Variants in AACS observed in about 807,000 individuals in gnomAD.
AACS encodes acetoacetyl-CoA synthetase.
A neutral mutation model predicts 83.1 loss-of-function variants in AACS; 69 were observed. The observed-to-expected ratio is 0.83, with a 90% CI of 0.68 to 1.01. The LOEUF is 1.01. Ranked by LOEUF, AACS falls within the 50% of genes least tolerant of loss-of-function variation. The probability of loss-of-function intolerance (pLI) is 0.00; values close to 1 mark genes in which losing one functional copy is unlikely to be tolerated. For synonymous variants in AACS, 333 were observed against 343.4 expected (o/e 0.97, Z 0.33); for missense variants, 866 against 882.2 (o/e 0.98, Z 0.23).
At chr12:125,078,095 G>A (rs372395548) in intron 3 of AACS, 17 of 455,692 alleles carry the variant, frequency 3.7e-5, no homozygotes, top group Middle Eastern at 3.2e-4. Flanking sequence ...TCACTCCCTA[G>A]ATCAGCACAA....
At chr12:125,077,338 G>A (rs189932841) in intron 3 of AACS, among the ~76,000 whole-genome samples, 38 of 151,928 alleles carry the variant, frequency 2.5e-4, no homozygotes, top group Admixed American at 2.2e-3. Context: ...GTGAAACCCC[G>A]TCTCTACTGA....
chr12:125,133,143 C>T (rs920902277), intron 14 of AACS, among the ~76,000 whole-genome samples: 1 of 152,210 alleles, frequency 6.6e-6, no homozygotes, highest in East Asian at 1.9e-4. Context: ...GCCAGTTCCC[C>T]TCAGTGTGGC....
At chr12:125,128,377 C>A in intron 13 of AACS, 103 bp downstream of exon 13, 1 of 1,026,964 alleles carries the variant, frequency 9.7e-7, no homozygotes, top group Non-Finnish European at 1.4e-6. Flanking sequence ...TCCAAAACAG[C>A]CCTCGGAGGG....
chr12:125,095,695 T>C (rs1956592481), intron 5 of AACS, among the ~76,000 whole-genome samples: 1 of 152,248 alleles, frequency 6.6e-6, no homozygotes, highest in Non-Finnish European at 1.5e-5. Context: ...TTGGAGATGC[T>C]GACTCCAGCG....
At chr12:125,131,465 GCCT>G (rs1184638064) in intron 14 of AACS, among the ~76,000 whole-genome samples, 1 of 151,904 alleles carries the variant, frequency 6.6e-6, no homozygotes, top group African/African-American at 2.4e-5. Context: ...TCCTGCCTCA[GCCT>G]CCTCAAGTGC....
At chr12:125,071,551 A>G (rs939539639) in intron 1 of AACS, among the ~76,000 whole-genome samples, 6 of 152,202 alleles carry the variant, frequency 3.9e-5, no homozygotes, top group African/African-American at 1.4e-4. Flanking sequence ...AAAAGCAACA[A>G]CAGGCTTTTA....
chr12:125,110,162 GGCGCCC>G (rs1325665277), intron 8 of AACS, among the ~76,000 whole-genome samples: 2 of 149,576 alleles, frequency 1.3e-5, no homozygotes, highest in East Asian at 3.9e-4. Flanking sequence ...TGGGATTATA[GGCGCCC>G]GCGACCACGG....
At chr12:125,106,804 G>T (rs1238549727) in intron 7 of AACS, among the ~76,000 whole-genome samples, 1 of 152,214 alleles carries the variant, frequency 6.6e-6, no homozygotes, top group Non-Finnish European at 1.5e-5. Flanking sequence ...CTTGTTCATT[G>T]TAAGTGATCC....
intron 4 of AACS, among the ~76,000 whole-genome samples, chr12:125,090,063 CATCT>C (rs376815190): frequency 5.6e-4 from 84 of 150,344 alleles, no homozygotes; most frequent in Middle Eastern, 3.4e-3. Flanking sequence ...ATCCCTCATC[CATCT>C]ATCCATCCAC....
intron 3 of AACS, among the ~76,000 whole-genome samples, chr12:125,077,074 ATTT>A (rs36067220): frequency 4.5e-4 from 55 of 121,242 alleles, no homozygotes; most frequent in Non-Finnish European, 7.5e-4. Context: ...TGCATGGCTG[ATTT>A]TTTTTTTTTT....
chr12:125,124,861 A>C (rs775700594), intron 11 of AACS, 41 bp from the exon 12 acceptor site: 5 of 1,614,060 alleles, frequency 3.1e-6, no homozygotes, highest in Non-Finnish European at 2.5e-6. Flanking sequence ...GGCTTCAGGC[A>C]CTGGGTTTAG....
At chr12:125,122,165 C>G (rs931891365) in intron 10 of AACS, 1 of 151,200 alleles carries the variant, frequency 6.6e-6, no homozygotes, top group African/African-American at 2.4e-5. Flanking sequence ...GTTGTGGAAG[C>G]TGGGAGGGGC....
At chr12:125,123,720 AGT>A (rs1957194715) in intron 10 of AACS, 2 of 152,244 alleles carry the variant, frequency 1.3e-5, no homozygotes, top group Non-Finnish European at 2.9e-5. Context: ...TACTGCCCAG[AGT>A]GACCCAGAAG....
intron 3 of AACS, among the ~76,000 whole-genome samples, chr12:125,084,446 C>G (rs1956280835): frequency 6.6e-6 from 1 of 151,846 alleles, no homozygotes; most frequent in African/African-American, 2.4e-5. Flanking sequence ...CTCTGTTGCT[C>G]AGGCTGGAGT....
rs1956989843 is a variant in AACS at position 125,113,317 on chromosome 12, G to A, written c.916-1160G>A. Among the ~76,000 whole-genome samples, 1 of 152,238 alleles carries A rather than the reference G, an allele frequency of 6.6e-6. No individual in the cohort carries two copies. The highest frequency in any genetic ancestry group is 2.4e-5 in the African/African-American group (1 of 41,462). Reference sequence around the variant, plus strand: ...CCTTCTAGGCCCTCCACAACCAGGAGCACCTTTGTGATGAGCCAGAGGCTC... The same window carrying A: ...CCTTCTAGGCCCTCCACAACCAGGAACACCTTTGTGATGAGCCAGAGGCTC... On this transcript the variant is annotated intron_variant, in intron 8 of 17. Transcript: ENST00000316519. The surrounding 1 kb of genome is among the most constrained non-coding windows in gnomAD (Gnocchi z 4.8).
chr12:125,134,857 G>A lies in AACS; in HGVS notation c.1678+5G>A, dbSNP rs781116485. The A allele has an allele frequency of 3.7e-6, 6 of 1,614,102 alleles. No homozygotes were observed. Among genetic ancestry groups the A allele is most frequent in the South Asian group, 3.3e-5 (3 of 91,074 alleles). ...GCTCGGAAATCTATAACATTGGTACGTGCTTCCCCTCCCTGAGCGTTCTCC... is the reference window on the plus strand; with the variant it reads ...GCTCGGAAATCTATAACATTGGTACATGCTTCCCCTCCCTGAGCGTTCTCC... On this transcript the variant is annotated splice_donor_5th_base_variant and intron_variant, in intron 16 of 17. Transcript: ENST00000316519.
At chr12:125,070,098 T>G (rs1310741850) in intron 1 of AACS, among the ~76,000 whole-genome samples, 3 of 152,296 alleles carry the variant, frequency 2.0e-5, no homozygotes, top group African/African-American at 7.2e-5. Flanking sequence ...CCCTTTCTTT[T>G]GGATTAAGTA....
chr12:125,075,287 T>C (rs1955995634), intron 2 of AACS, among the ~76,000 whole-genome samples: 1 of 151,654 alleles, frequency 6.6e-6, no homozygotes, highest in African/African-American at 2.4e-5. Context: ...TTTTTTAAAC[T>C]ATTTAGAAGT....
rs1957488938 is a variant in AACS, at chr12:125,141,476, GGA to G, written c.1882-613_1882-612del. 3.3e-5 allele frequency: 5 copies of G among 152,398 alleles called. No homozygotes were observed. The South Asian group carries it at 1.0e-3, about 32-fold the overall frequency. 9.4% of individuals were successfully genotyped at this position (152,398 alleles called of 1,614,324 possible). A position where few individuals can be genotyped will look rare whatever the true frequency, so the allele number is the denominator to read the frequency against. On this transcript the variant is annotated intron_variant, in intron 17 of 17. Transcript: ENST00000316519. Reference sequence around the variant, plus strand: ...CCAAGATGGGTGGATCATGAGGTCAGGAGATCAAGACCATCCTGGCTAACATG... The same window carrying G: ...CCAAGATGGGTGGATCATGAGGTCAGGATCAAGACCATCCTGGCTAACATG...
Sources: allele counts gnomAD v4.1 joint callset (sites outside exome capture counted in the v4.1 genomes callset), GRCh38; gene constraint gnomAD v4.1.1; non-coding constraint Gnocchi (gnomAD v3.1); transcripts MANE v1.5; gene names NCBI Gene and HGNC (gene_info 2026-07-23, HGNC 2026-07-21).